EIF4EBP3: variants seen among roughly 807,000 people sequenced by gnomAD.
EIF4EBP3 encodes the protein eukaryotic translation initiation factor 4E-binding protein 3.
A neutral mutation model predicts 12.1 loss-of-function variants in EIF4EBP3; 11 were observed. The observed-to-expected ratio is 0.91, with a 90% CI of 0.57 to 1.51. The LOEUF (loss-of-function observed/expected upper bound fraction) is 1.51. Among genes scored for constraint, EIF4EBP3 ranks in the 40% most tolerant of loss-of-function variants. The pLI is 0.00. For synonymous variants in EIF4EBP3, 43 were observed against 54.2 expected (o/e 0.79, Z 0.91); for missense variants, 136 against 131.8 (o/e 1.03, Z -0.16).
chr5:140,547,932 A>G (rs1410725555), intron 1 of EIF4EBP3, 92 bp downstream of exon 1: 10 of 1,056,578 alleles, frequency 9.5e-6, no homozygotes, highest in Non-Finnish European at 1.3e-5. Flanking sequence ...CAGACCTAAG[A>G]CTTGTCCGCA....
Sources: gnomAD v4.1 joint callset for allele counts on GRCh38, gnomAD v4.1.1 for gene constraint, MANE v1.5 for transcripts, NCBI Gene and HGNC (gene_info 2026-07-23, HGNC 2026-07-21) for gene names.